Variants in TMEM200A observed in about 807,000 individuals in gnomAD.
TMEM200A encodes the protein two transmembrane C.
TMEM200A carries 12 observed loss-of-function variants against 24.3 expected under a neutral mutation model. That is an observed-to-expected ratio of 0.49 (90% CI 0.32 to 0.80). The LOEUF is 0.80. Among genes scored for constraint, TMEM200A ranks in the 30% least tolerant of loss-of-function variants. The pLI is 0.04. For missense variants in TMEM200A, 545 were observed against 614.4 expected, an observed-to-expected ratio of 0.89 and a Z score of 1.19; for synonymous variants, 224 against 224.4, an observed-to-expected ratio of 1.00 and a Z score of 0.02.
At chr6:130,404,565 A>T (rs920091857) in intron 2 of TMEM200A, among the ~76,000 whole-genome samples, 1 of 152,232 alleles carries the variant, frequency 6.6e-6, no homozygotes, top group Non-Finnish European at 1.5e-5. Context: ...TATTTGCTGG[A>T]TATAAGACCT....
At chr6:130,392,011 G>A (rs1235866087) in intron 2 of TMEM200A, among the ~76,000 whole-genome samples, 1 of 152,088 alleles carries the variant, frequency 6.6e-6, no homozygotes, top group Non-Finnish European at 1.5e-5. Context: ...CCAAAGTGCT[G>A]GGATTACAGG....
chr6:130,440,686 A>G lies in TMEM200A; in HGVS notation c.264A>G (p.Glu88=), dbSNP rs747538297. ...TTCTTGGATATTGGCCCCAAAAAGA[A>G]CATTTTATTGATGCTGAAACAACAC... The part of the protein sequence containing the change: ...MAVLGYWPQK[E]HFIDAETTLS... The change falls in exon 3 of 3, where the codon GAA becomes GAG. Residue 88 remains glutamate, a synonymous_variant. Coordinates refer to ENST00000296978, the MANE Select transcript of TMEM200A (RefSeq NM_001258277.2). 4.3e-6 allele frequency: 7 copies of G among 1,614,100 alleles called. No individual in the cohort carries two copies. In the South Asian group the frequency reaches 7.7e-5, roughly 18 times the overall value.
At chr6:130,394,267 T>C (rs1778899241) in intron 2 of TMEM200A, among the ~76,000 whole-genome samples, 1 of 152,182 alleles carries the variant, frequency 6.6e-6, no homozygotes, top group African/African-American at 2.4e-5. Context: ...TGAACTGCTA[T>C]GCAAAAAAGA....
intron 1 of TMEM200A, among the ~76,000 whole-genome samples, chr6:130,373,117 T>C (rs1042266975): frequency 6.6e-6 from 1 of 152,198 alleles, no homozygotes; most frequent in Non-Finnish European, 1.5e-5. Context: ...AAATGCAGGA[T>C]GAATCCAAAG....
intron 1 of TMEM200A, among the ~76,000 whole-genome samples, chr6:130,381,096 A>G (rs1473991452): frequency 2.6e-5 from 4 of 152,272 alleles, no homozygotes; most frequent in Non-Finnish European, 5.9e-5. Flanking sequence ...ACTTAGAAGT[A>G]TAAAGTGAAA....
intron 2 of TMEM200A, chr6:130,438,906 A>T (rs1478057419): frequency 6.6e-6 from 1 of 152,240 alleles, no homozygotes; most frequent in Non-Finnish European, 1.5e-5. Context: ...ATGAGCTTTG[A>T]TGCCTAGCCA....
At position 130,371,714 on chromosome 6, in the gene TMEM200A, AGCAAGGAAAGG is replaced by A. The variant is rs539166427; in HGVS notation, c.-81+5192_-81+5202del. 1.4e-4 allele frequency among the ~76,000 whole-genome samples: 21 copies of A among 152,348 alleles called. No individual in the cohort carries two copies. In the East Asian group the frequency reaches 3.9e-3, roughly 28 times the overall value. ...ATTCTGGATTTAGGGTTTGGGGTAT[AGCAAGGAAAGG>A]GGATGGGAAAATTATCAGGCAGTTG... On this transcript the variant is annotated intron_variant, in intron 1 of 2. Transcript: ENST00000296978.
rs201240867 is a variant in TMEM200A, at chr6:130,441,934, T to C, written c.*36T>C. 5.9e-6 allele frequency: 9 copies of C among 1,527,268 alleles called. No individual in the cohort carries two copies. The East Asian group carries it at 2.0e-4, about 35-fold the overall frequency. 94.6% of individuals were successfully genotyped at this position (1,527,268 alleles called of 1,614,324 possible). ...ATATATCATTTTACAAGGGTATATA[T>C]TTTAAAACGATTTTCACTGGTGTTT... On this transcript the variant is annotated 3_prime_UTR_variant, in exon 3 of 3. Transcript: ENST00000296978.
chr6:130,379,013 G>C (rs568814280), intron 1 of TMEM200A, among the ~76,000 whole-genome samples: 1 of 152,134 alleles, frequency 6.6e-6, no homozygotes, highest in African/African-American at 2.4e-5. Context: ...TTCTTTTTAT[G>C]AAGAAACCAT....
intron 1 of TMEM200A, among the ~76,000 whole-genome samples, chr6:130,377,017 A>G (rs996564660): frequency 6.6e-6 from 1 of 152,352 alleles, no homozygotes; most frequent in Admixed American, 6.5e-5. Flanking sequence ...TGGGAGATCT[A>G]TTCAAATATA....
chr6:130,432,908 G>A (rs1779912082), intron 2 of TMEM200A, among the ~76,000 whole-genome samples: 1 of 152,128 alleles, frequency 6.6e-6, no homozygotes, highest in African/African-American at 2.4e-5. Flanking sequence ...TTCAAATGTG[G>A]TTATTAAGTA....
In TMEM200A at chr6:130,391,976, C is replaced by T. The variant is rs563861746; in HGVS notation, c.-17+6740C>T. Among the ~76,000 whole-genome samples the T allele has an allele frequency of 5.3e-4, 80 of 152,248 alleles. 1 individual carries two copies. The highest frequency in any genetic ancestry group is 1.8e-3 in the African/African-American group (75 of 41,564). ...GCCAGGATGGTCTCGATCTCCTGAC[C>T]TCGTGATCCTCCTGCCTTGGCCTCC... On this transcript the variant is annotated intron_variant, in intron 2 of 2. Transcript: ENST00000296978.
chr6:130,374,225 G>A (rs770411087), intron 1 of TMEM200A, among the ~76,000 whole-genome samples: 1 of 152,128 alleles, frequency 6.6e-6, no homozygotes, highest in Non-Finnish European at 1.5e-5. Context: ...CCCCGCCTCT[G>A]TAGCCTTGGA....
chr6:130,440,173 A>G (rs1474935114), intron 2 of TMEM200A, among the ~76,000 whole-genome samples: 2 of 152,188 alleles, frequency 1.3e-5, no homozygotes, highest in African/African-American at 4.8e-5. Context: ...ATGTAACTGA[A>G]AAAATAATAG....
intron 1 of TMEM200A, among the ~76,000 whole-genome samples, chr6:130,382,250 G>C (rs553916483): frequency 6.6e-6 from 1 of 152,282 alleles, no homozygotes; most frequent in African/African-American, 2.4e-5. Flanking sequence ...TGAAGATCTG[G>C]CACAGTGTGT....
intron 1 of TMEM200A, among the ~76,000 whole-genome samples, chr6:130,374,084 T>A (rs1304708016): frequency 6.6e-6 from 1 of 152,234 alleles, no homozygotes; most frequent in East Asian, 1.9e-4. Flanking sequence ...AGCTTGTGAA[T>A]GATTTTTTGA....
rs1780235017 is a variant in TMEM200A at position 130,442,994 on chromosome 6, T to C, written c.*1096T>C. 1 of 167,016 alleles carries C rather than the reference T, an allele frequency of 6.0e-6. No individual in the cohort carries two copies. Among genetic ancestry groups the C allele is most frequent in the African/African-American group, 2.4e-5 (1 of 41,466 alleles). 10.3% of individuals were successfully genotyped at this position (167,016 alleles called of 1,614,324 possible). Reference sequence around the variant, plus strand: ...CTCCAAAGACTTTCTTACGGTATAATACATGTTGTTTAGGATTGTGTTTCT... The same window carrying C: ...CTCCAAAGACTTTCTTACGGTATAACACATGTTGTTTAGGATTGTGTTTCT... On this transcript the variant is annotated 3_prime_UTR_variant, in exon 3 of 3. Transcript: ENST00000296978.
At chr6:130,394,874 A>G (rs1778912972) in intron 2 of TMEM200A, among the ~76,000 whole-genome samples, 1 of 152,136 alleles carries the variant, frequency 6.6e-6, no homozygotes, top group Non-Finnish European at 1.5e-5. Context: ...CAGAATCCTA[A>G]ACTTGTACGA....
chr6:130,369,277 A>G (rs1296577396), intron 1 of TMEM200A, among the ~76,000 whole-genome samples: 1 of 152,228 alleles, frequency 6.6e-6, no homozygotes, highest in Non-Finnish European at 1.5e-5. Context: ...AAGGTGATGA[A>G]GCTGGGACTA....
Sources: allele counts gnomAD v4.1 joint callset (sites outside exome capture counted in the v4.1 genomes callset), GRCh38; gene constraint gnomAD v4.1.1; transcripts MANE v1.5; gene names NCBI Gene and HGNC (gene_info 2026-07-23, HGNC 2026-07-21).